Variants in ANO8 observed in about 807,000 individuals in gnomAD.
ANO8 encodes the protein anoctamin-8.
Under a neutral mutation model 120.4 loss-of-function variants are expected in ANO8, and 67 were observed. The observed-to-expected ratio is 0.56, with a 90% confidence interval of 0.46 to 0.68. The LOEUF (loss-of-function observed/expected upper bound fraction) is 0.68, where lower values mean the gene tolerates loss of function less well. Among genes scored for constraint, ANO8 ranks in the 30% least tolerant of loss-of-function variants. ANO8 has a pLI of 0.00. For synonymous variants in ANO8, 727 were observed against 759.2 expected, an observed-to-expected ratio of 0.96 and a Z score of 0.70; for missense variants, 1,526 against 1,737.6, an observed-to-expected ratio of 0.88 and a Z score of 2.16.
Position 17,334,517 on chromosome 19 carries a change from C to T in ANO8, c.106+48G>A, listed in dbSNP as rs1352428626. Reference sequence around the variant, plus strand: ...CTCCTCCCCGTGTAGTTGACGCGGGCTCCCCAGGCACCTGCAACCCTGTCT... The same window carrying T: ...CTCCTCCCCGTGTAGTTGACGCGGGTTCCCCAGGCACCTGCAACCCTGTCT... On this transcript the variant is annotated intron_variant, in intron 1 of 17. Coordinates refer to ENST00000159087, the MANE Select transcript of ANO8 (RefSeq NM_020959.3). 8 of 1,441,326 alleles carry T rather than the reference C, an allele frequency of 5.6e-6. No individual in the cohort carries two copies. The Admixed American group carries it at 1.2e-4, about 23-fold the overall frequency. The allele number at this position is 1,441,326 out of a possible 1,614,324, so 89.3% of individuals were successfully genotyped here.
rs769619205 is a variant in ANO8, at chr19:17,323,309, T to TTG, written c.*207_*208insCA. 6 of 205,534 alleles carry TTG rather than the reference T, an allele frequency of 2.9e-5. No homozygotes were observed. Among genetic ancestry groups the TTG allele is most frequent in the South Asian group, 2.8e-4 (1 of 3,572 alleles). The allele number at this position is 205,534 out of a possible 1,614,324, so 12.7% of individuals were successfully genotyped here. On this transcript the variant is annotated 3_prime_UTR_variant, in exon 18 of 18. Coordinates refer to ENST00000159087, the MANE Select transcript of ANO8 (RefSeq NM_020959.3). ...TTAAAAACAAATAAATAATCGCCTG[T>TTG]TCTGTGTGTGTGTGTGTGTGTGTGT...
Position 17,323,552 on chromosome 19 carries a change from GGCTGGGGCTGGGGCTAGGGGAGGGC to G in ANO8, c.3639_3663del (p.Ser1215ArgfsTer96). The G allele has an allele frequency of 3.1e-6, 4 of 1,292,528 alleles. No homozygotes were observed. The highest frequency in any genetic ancestry group is 3.9e-6 in the Non-Finnish European group (4 of 1,019,344). The allele number at this position is 1,292,528 out of a possible 1,614,324, so 80.1% of individuals were successfully genotyped here. Reference sequence around the variant, plus strand: ...CCGCTGGGCCAGCACACGGCCTGGGGGCTGGGGCTGGGGCTAGGGGAGGGCGCTGGGGTCTCGAGGGGATCCGAGG... The same window carrying G: ...CCGCTGGGCCAGCACACGGCCTGGGGGCTGGGGTCTCGAGGGGATCCGAGG... On this transcript the variant is annotated frameshift_variant, in exon 18 of 18. Transcript: ENST00000159087. LOFTEE classifies it high-confidence loss of function.
In ANO8 at chr19:17,324,732, C is replaced by A; in HGVS notation, c.3316G>T (p.Glu1106Ter). The change falls in exon 17 of 18, where the codon GAA (glutamate) becomes TAA (stop). Residue 1106 changes from glutamate to a stop codon, truncating the protein, a stop_gained. Transcript: ENST00000159087. LOFTEE classifies it low-confidence loss of function (END_TRUNC). Reference sequence around the variant, plus strand: ...AGCTTGTGACCTGAGCCTTCCTCTTCGGGCCGGGGGGCTTCCAGCTCCTCA... The same window carrying A: ...AGCTTGTGACCTGAGCCTTCCTCTTAGGGCCGGGGGGCTTCCAGCTCCTCA... Reference protein sequence around the residue: ...LAEELEAPRPEEEGSGTALAP... With the variant: ...LAEELEAPRP 1 of 1,524,826 alleles carries A rather than the reference C, an allele frequency of 6.6e-7. No individual in the cohort carries two copies. Among genetic ancestry groups the A allele is most frequent in the Non-Finnish European group, 8.8e-7 (1 of 1,139,296 alleles). 94.5% of individuals were successfully genotyped at this position (1,524,826 alleles called of 1,614,324 possible).
chr19:17,328,398 C>T lies in ANO8; in HGVS notation c.1990G>A (p.Glu664Lys), dbSNP rs1311850194. 1.3e-6 allele frequency: 2 copies of T among 1,571,588 alleles called. No individual in the cohort carries two copies. The highest frequency in any genetic ancestry group is 1.7e-6 in the Non-Finnish European group (2 of 1,163,932). Reference protein sequence around the residue: ...FTLAEEDDEAEGAPGSPEREP... With the variant: ...FTLAEEDDEAKGAPGSPEREP... Reference sequence around the variant, plus strand: ...CGTTCAGGGCTGCCGGGAGCCCCCTCCGCCTCGTCGTCCTCCTCGGCCAGG... The same window carrying T: ...CGTTCAGGGCTGCCGGGAGCCCCCTTCGCCTCGTCGTCCTCCTCGGCCAGG... The change falls in exon 13 of 18, where the codon GAG (glutamate) becomes AAG (lysine). Residue 664 changes from glutamate to lysine, a missense_variant. Physicochemically the swap from Glu to Lys is moderately conservative, Grantham distance 56. Transcript: ENST00000159087.
At position 17,333,677 on chromosome 19, in the gene ANO8, C is replaced by T. The variant is rs908540636; in HGVS notation, c.217+13G>A. On this transcript the variant is annotated intron_variant, in intron 2 of 17. Coordinates refer to ENST00000159087, the MANE Select transcript of ANO8 (RefSeq NM_020959.3). This position sits in a 1 kb window ranked among gnomAD's most constrained non-coding sequence, Gnocchi z 7.2. ...TCTGGGCACTGGGCGGGCGGGCGGG[C>T]GGGCTTGGGTACCTGGGAAGGTCAT... is the stretch of plus-strand genomic sequence containing the variant. 20 of 279,032 alleles carry T rather than the reference C, an allele frequency of 7.2e-5. No individual in the cohort carries two copies. Among genetic ancestry groups the T allele is most frequent in the Non-Finnish European group, 8.2e-5 (18 of 218,848 alleles). The allele number at this position is 279,032 out of a possible 1,614,324, so 17.3% of individuals were successfully genotyped here. A position where few individuals can be genotyped will look rare whatever the true frequency, so the allele number is the denominator to read the frequency against.
In ANO8 at chr19:17,325,293, G is replaced by A. The variant is rs754589396; in HGVS notation, c.2755C>T (p.Arg919Trp). Reference sequence around the variant, plus strand: ...CGGCCACCAGAATCATGCTCCCGCCGGGCATGGTGCTCTGCATGGCGCTGT... The same window carrying A: ...CGGCCACCAGAATCATGCTCCCGCCAGGCATGGTGCTCTGCATGGCGCTGT... Reference protein sequence around the residue: ...ERQRHAEHHARREHDSGGREE... With the variant: ...ERQRHAEHHAWREHDSGGREE... Residue 919 changes from arginine to tryptophan, a missense_variant, in exon 17 of 18, where the codon CGG becomes TGG. Coordinates refer to ENST00000159087, the MANE Select transcript of ANO8 (RefSeq NM_020959.3). 13 of 1,606,696 alleles carry A rather than the reference G, an allele frequency of 8.1e-6. No individual in the cohort carries two copies. Among genetic ancestry groups the A allele is most frequent in the Middle Eastern group, 3.3e-4 (2 of 6,084 alleles).
Position 17,330,342 on chromosome 19 carries a change from G to A in ANO8, c.1146+10C>T, listed in dbSNP as rs1273299451. 4 of 1,605,246 alleles carry A rather than the reference G, an allele frequency of 2.5e-6. No individual in the cohort carries two copies. Among genetic ancestry groups the A allele is most frequent in the Non-Finnish European group, 2.6e-6 (3 of 1,175,004 alleles). On this transcript the variant is annotated intron_variant, in intron 9 of 17. Coordinates refer to ENST00000159087, the MANE Select transcript of ANO8 (RefSeq NM_020959.3). ...CCAAGGACAGGGCGGGTGAGGGTAT[G>A]GGGGGTCACCTGCAGCTGGAAGCAG...
intron 8 of ANO8, 124 bp from the exon 9 acceptor site, chr19:17,330,628 C>A: frequency 7.2e-7 from 1 of 1,397,162 alleles, no homozygotes; most frequent in African/African-American, 1.5e-5. Context: ...CTCAGGTCAC[C>A]CACCTAGGGC....
rs1485297448 is a variant in ANO8 at position 17,333,034 on chromosome 19, G to A, written c.490-8C>T. On this transcript the variant is annotated splice_polypyrimidine_tract_variant and splice_region_variant and intron_variant, in intron 4 of 17. Coordinates refer to ENST00000159087, the MANE Select transcript of ANO8 (RefSeq NM_020959.3). The surrounding 1 kb of genome is among the most constrained non-coding windows in gnomAD (Gnocchi z 7.2). The stretch of plus-strand genomic sequence containing the variant: ...GATGATGCTCTGGCGTTCCTGCGAG[G>A]AAGAGGGCGTGAGCTCAGGGAACTC... 1.3e-5 allele frequency: 21 copies of A among 1,614,086 alleles called. No homozygotes were observed. Among genetic ancestry groups the A allele is most frequent in the Non-Finnish European group, 1.7e-5 (20 of 1,180,036 alleles).
chr19:17,323,934 C>A, intron 17 of ANO8, 50 bp from the exon 18 acceptor site: 1 of 1,102,406 alleles, frequency 9.1e-7, no homozygotes, highest in Non-Finnish European at 1.1e-6. Flanking sequence ...CCCGCCGGAC[C>A]CCGCCGGGCT....
Position 17,333,747 on chromosome 19 carries a change from T to G in ANO8, c.160A>C (p.Lys54Gln). The G allele has an allele frequency of 6.2e-7, 1 of 1,609,432 alleles. No homozygotes were observed. ...GTAGGCACCGTCTTCATCCACGCCT[T>G]GTGGGACACCAGGTAGCGACCAGCC... ...LQAGRYLVSH[K>Q]AWMKTVPTEN... Residue 54 changes from lysine to glutamine, a missense_variant, in exon 2 of 18, where the codon AAG becomes CAG. This residue lies in a region of ANO8 where 322 missense variants were observed against 431.8 expected (regional missense o/e 0.75). Transcript: ENST00000159087. This position sits in a 1 kb window ranked among gnomAD's most constrained non-coding sequence, Gnocchi z 7.2.
intron 13 of ANO8, 64 bp downstream of exon 13, chr19:17,328,098 C>G (rs1439788258): frequency 7.3e-7 from 1 of 1,375,426 alleles, no homozygotes; most frequent in African/African-American, 1.5e-5. Flanking sequence ...GGCCTTCACC[C>G]TCGGACGGTG....
Position 17,324,867 on chromosome 19 carries a change from G to A in ANO8, c.3181C>T (p.Arg1061Trp), listed in dbSNP as rs775932379. ...GCCCCGTTGGACCCAGGCTCAGCCCGGGTGCCACCAAAGGGGAAGAGCTTG... is the reference window on the plus strand; with the variant it reads ...GCCCCGTTGGACCCAGGCTCAGCCCAGGTGCCACCAAAGGGGAAGAGCTTG... ...AGKLFPFGGT[R>W]AEPGSNGAGG... Residue 1061 changes from arginine (R) to tryptophan (W), a missense_variant, in exon 17 of 18, where the codon CGG becomes TGG. Transcript: ENST00000159087. 8.1e-6 allele frequency: 13 copies of A among 1,612,998 alleles called. No homozygotes were observed. The highest frequency in any genetic ancestry group is 3.3e-5 in the South Asian group (3 of 91,066).
At position 17,323,523 on chromosome 19, in the gene ANO8, C is replaced by T; in HGVS notation, c.3693G>A (p.Trp1231Ter). The T allele has an allele frequency of 4.6e-6, 6 of 1,293,336 alleles. No homozygotes were observed. The highest frequency in any genetic ancestry group is 5.9e-6 in the Non-Finnish European group (6 of 1,020,282). 80.1% of individuals were successfully genotyped at this position (1,293,336 alleles called of 1,614,324 possible). ...GAAGGCAGGGCGGGTAGAGCTAATG[C>T]CAGCCGCTGGGCCAGCACACGGCCT... is the stretch of plus-strand genomic sequence containing the variant. The part of the protein sequence containing the change: ...SPQAVCWPSG[W>*]H Residue 1231 changes from tryptophan to a stop codon, truncating the protein, a stop_gained, in exon 18 of 18, where the codon TGG (tryptophan) becomes TGA (stop). Transcript: ENST00000159087. LOFTEE classifies it high-confidence loss of function.
intron 13 of ANO8, 128 bp from the exon 14 acceptor site, chr19:17,328,008 G>T: frequency 7.1e-7 from 1 of 1,402,840 alleles, no homozygotes; most frequent in Middle Eastern, 2.1e-4. Context: ...CAGCCCAGAG[G>T]CTTCCTGTAT....
In ANO8 at chr19:17,323,896, A is replaced by G; in HGVS notation, c.3332-12T>C. On this transcript the variant is annotated splice_polypyrimidine_tract_variant and intron_variant, in intron 17 of 17. Transcript: ENST00000159087. Reference sequence around the variant, plus strand: ...GGCCAGCGCTGTCCCTGCGGAGGCGAGAGGGGCCGTTCCGGGGGGATGCCG... The same window carrying G: ...GGCCAGCGCTGTCCCTGCGGAGGCGGGAGGGGCCGTTCCGGGGGGATGCCG... The G allele has an allele frequency of 9.0e-7, 1 of 1,115,694 alleles. No individual in the cohort carries two copies. Among genetic ancestry groups the G allele is most frequent in the Non-Finnish European group, 1.1e-6 (1 of 913,560 alleles). 69.1% of individuals were successfully genotyped at this position (1,115,694 alleles called of 1,614,324 possible).
At position 17,333,662 on chromosome 19, in the gene ANO8, G is replaced by A. The variant is rs749945558; in HGVS notation, c.217+28C>T. On this transcript the variant is annotated intron_variant, in intron 2 of 17. Coordinates refer to ENST00000159087, the MANE Select transcript of ANO8 (RefSeq NM_020959.3). This position sits in a 1 kb window ranked among gnomAD's most constrained non-coding sequence, Gnocchi z 7.2. ...CTCAGGAGAGCCGCATCTGGGCACTGGGCGGGCGGGCGGGCGGGCTTGGGT... is the reference window on the plus strand; with the variant it reads ...CTCAGGAGAGCCGCATCTGGGCACTAGGCGGGCGGGCGGGCGGGCTTGGGT... 6.7e-7 allele frequency: 1 copy of A among 1,483,648 alleles called. No homozygotes were observed. The highest frequency in any genetic ancestry group is 2.6e-5 in the East Asian group (1 of 39,058). The allele number at this position is 1,483,648 out of a possible 1,614,324, so 91.9% of individuals were successfully genotyped here. A position where few individuals can be genotyped will look rare whatever the true frequency, so the allele number is the denominator to read the frequency against.
At chr19:17,325,649 T>C (rs528063621) in intron 16 of ANO8, among the ~76,000 whole-genome samples, 1 of 152,238 alleles carries the variant, frequency 6.6e-6, no homozygotes, top group Non-Finnish European at 1.5e-5. Context: ...TTATTGGGGC[T>C]GGGCGCAGTG....
Position 17,328,247 on chromosome 19 carries a change from C to T in ANO8, c.2141G>A (p.Arg714Gln), listed in dbSNP as rs1222483657. ...DSTRRQRRQN[R>Q]SSWIDPPEEE... Reference sequence around the variant, plus strand: ...CTCCGGCGGGTCAATCCAAGACGACCGGTTCTGCCGTCTCTGCCTACGGGT... The same window carrying T: ...CTCCGGCGGGTCAATCCAAGACGACTGGTTCTGCCGTCTCTGCCTACGGGT... Residue 714 changes from arginine (R) to glutamine (Q), a missense_variant, in exon 13 of 18, where the codon CGG becomes CAG. By Grantham distance (43) the Arg-to-Gln change is conservative. Around this residue, in one of 8 missense-constraint regions of ANO8, gnomAD observed 467 missense variants for 425.8 expected, o/e 1.10. Transcript: ENST00000159087. 1 of 1,610,346 alleles carries T rather than the reference C, an allele frequency of 6.2e-7. No individual in the cohort carries two copies. The highest frequency in any genetic ancestry group is 8.5e-7 in the Non-Finnish European group (1 of 1,178,030).
Sources: allele counts gnomAD v4.1 joint callset (sites outside exome capture counted in the v4.1 genomes callset), GRCh38; gene constraint gnomAD v4.1.1; regional missense constraint gnomAD v4.1.1; non-coding constraint Gnocchi (gnomAD v3.1); transcripts MANE v1.5; gene names NCBI Gene and HGNC (gene_info 2026-07-23, HGNC 2026-07-21).